The following DENND4C variants were observed in gnomAD, a reference collection of about 807,000 sequenced individuals.
The protein encoded by DENND4C is DENN domain-containing protein 4C.
DENND4C carries 108 observed loss-of-function variants against 203.0 expected under a neutral mutation model. That is an observed-to-expected ratio of 0.53 (90% CI 0.46 to 0.62). DENND4C has a LOEUF of 0.62. Ranked by LOEUF, DENND4C falls within the 20% of genes least tolerant of loss-of-function variation. The pLI, the probability that DENND4C is intolerant of heterozygous loss-of-function variation, is 0.00. For missense variants in DENND4C, 2,481 were observed against 2,301.2 expected (o/e 1.08, Z -1.60); for synonymous variants, 871 against 792.4 (o/e 1.10, Z -1.67).
chr9:19,367,462 G>T (rs1013945518), intron 30 of DENND4C, among the ~76,000 whole-genome samples: 2 of 152,262 alleles, frequency 1.3e-5, no homozygotes, highest in Non-Finnish European at 2.9e-5. Flanking sequence ...AGGGCTGAGC[G>T]CAGTGGCGCA....
intron 23 of DENND4C, among the ~76,000 whole-genome samples, chr9:19,348,232 A>AATT (rs1823334022): frequency 6.6e-6 from 1 of 152,216 alleles, no homozygotes; most frequent in Non-Finnish European, 1.5e-5. Flanking sequence ...CAGAGAGGCT[A>AATT]ATTAGCTTCT....
intron 1 of DENND4C, among the ~76,000 whole-genome samples, chr9:19,235,599 G>A (rs996289186): frequency 1.4e-5 from 2 of 145,878 alleles, no homozygotes; most frequent in African/African-American, 4.9e-5. Flanking sequence ...TTGGTTTACA[G>A]AAGAGTCATC....
At chr9:19,256,867 G>A (rs759251414) in intron 1 of DENND4C, among the ~76,000 whole-genome samples, 21 of 151,748 alleles carry the variant, frequency 1.4e-4, no homozygotes, top group Non-Finnish European at 2.8e-4. Flanking sequence ...TCTGGAGATC[G>A]AGACCATCCT....
Position 19,352,204 on chromosome 9 carries a change from C to A in DENND4C, c.4605+22C>A, listed in dbSNP as rs373578380. Reference sequence around the variant, plus strand: ...GGAGGTAAAAGTTCTATATTCAGTTCATGATAAAGTAGCTGTAAGCATATT... The same window carrying A: ...GGAGGTAAAAGTTCTATATTCAGTTAATGATAAAGTAGCTGTAAGCATATT... On this transcript the variant is annotated intron_variant, in intron 25 of 32. Coordinates refer to ENST00000434457, the MANE Select transcript of DENND4C (RefSeq NM_001330640.2). 50 of 1,586,906 alleles carry A rather than the reference C, an allele frequency of 3.2e-5. No homozygotes were observed. In the African/African-American group the frequency reaches 5.4e-4, roughly 17 times the overall value.
chr9:19,290,671 T>TA (rs1481675879), intron 4 of DENND4C, 33 bp from the exon 5 acceptor site: 1 of 1,332,592 alleles, frequency 7.5e-7, no homozygotes, highest in Non-Finnish European at 9.7e-7. Flanking sequence ...AGTAACTATT[T>TA]AAAAAATTTA....
intron 15 of DENND4C, among the ~76,000 whole-genome samples, chr9:19,326,707 C>T (rs556831467): frequency 1.3e-5 from 2 of 152,148 alleles, no homozygotes; most frequent in Admixed American, 6.5e-5. Flanking sequence ...ATCATTCTAG[C>T]ACCAATACTT....
intron 2 of DENND4C, among the ~76,000 whole-genome samples, chr9:19,282,358 C>T (rs888635047): frequency 2.0e-5 from 3 of 150,826 alleles, no homozygotes; most frequent in East Asian, 2.0e-4. Context: ...TGGGCTCAGG[C>T]GATAATCCTT....
chr9:19,325,472 C>G (rs1049759929), intron 13 of DENND4C, among the ~76,000 whole-genome samples: 1 of 151,766 alleles, frequency 6.6e-6, no homozygotes, highest in Non-Finnish European at 1.5e-5. Flanking sequence ...TTTTTATGGC[C>G]CCCTCATGAT....
At chr9:19,261,545 C>G (rs1829356791) in intron 1 of DENND4C, among the ~76,000 whole-genome samples, 1 of 150,864 alleles carries the variant, frequency 6.6e-6, no homozygotes, top group Admixed American at 6.6e-5. Context: ...CACTATTGTA[C>G]AGGCTGGAGT....
intron 10 of DENND4C, among the ~76,000 whole-genome samples, chr9:19,312,333 C>G (rs1008629582): frequency 2.0e-5 from 3 of 151,998 alleles, no homozygotes; most frequent in African/African-American, 7.2e-5. Context: ...AAATTGCTGG[C>G]CTCAAGTGAT....
chr9:19,316,944 A>C, intron 12 of DENND4C, 105 bp downstream of exon 12: 1 of 1,043,726 alleles, frequency 9.6e-7, no homozygotes, highest in Non-Finnish European at 1.3e-6. Flanking sequence ...ACAAATTCAC[A>C]TTCAAATATA....
At chr9:19,324,554 T>TA in intron 13 of DENND4C, 47 bp downstream of exon 13, 1 of 1,560,194 alleles carries the variant, frequency 6.4e-7, no homozygotes, top group Non-Finnish European at 8.7e-7. Context: ...AAGTTTGCCT[T>TA]ACCTGTGTAA....
At chr9:19,286,260 G>T (rs1050987604) in intron 2 of DENND4C, among the ~76,000 whole-genome samples, 2 of 151,868 alleles carry the variant, frequency 1.3e-5, no homozygotes, top group Non-Finnish European at 2.9e-5. Flanking sequence ...TCTATTTGAG[G>T]GTATTGCCAT....
chr9:19,249,975 T>C (rs1481394576), intron 1 of DENND4C, among the ~76,000 whole-genome samples: 1 of 152,192 alleles, frequency 6.6e-6, no homozygotes, highest in Non-Finnish European at 1.5e-5. Flanking sequence ...GATTTTTTTC[T>C]CAACTCTTTA....
intron 2 of DENND4C, among the ~76,000 whole-genome samples, chr9:19,285,594 C>A (rs1835042682): frequency 2.4e-5 from 2 of 81,872 alleles, no homozygotes; most frequent in African/African-American, 3.7e-5. Flanking sequence ...TTTTTTTTCA[C>A]TTAACATGTT....
intron 2 of DENND4C, among the ~76,000 whole-genome samples, chr9:19,280,257 C>G (rs1443406053): frequency 6.6e-6 from 1 of 152,056 alleles, no homozygotes; most frequent in Non-Finnish European, 1.5e-5. Context: ...AAGCAATTCT[C>G]TGCCTCAGCC....
chr9:19,320,670 A>T lies in DENND4C; in HGVS notation c.1808-3692A>T, dbSNP rs187008407. On this transcript the variant is annotated intron_variant, in intron 12 of 32. Transcript: ENST00000434457. ...TTCTCTTGGCAAGAAGTGCCAAAAT[A>T]CGTGGTGCTCACTTCTTCCTATTGC... 4.6e-5 allele frequency among the ~76,000 whole-genome samples: 7 copies of T among 152,346 alleles called. No homozygotes were observed. In the East Asian group the frequency reaches 9.6e-4, roughly 21 times the overall value.
rs565799163 is a variant in DENND4C at position 19,238,190 on chromosome 9, C to G, written c.-18+7357C>G. Among the ~76,000 whole-genome samples the G allele has an allele frequency of 1.8e-4, 27 of 151,434 alleles. 1 individual carries two copies. The highest frequency in any genetic ancestry group is 6.5e-4 in the African/African-American group (27 of 41,266). On this transcript the variant is annotated intron_variant, in intron 1 of 32. Transcript: ENST00000434457. ...CTGTGCCTCCTGGATTCAAGCGATTCTCCTGCCTCAGCCTGCCGAGTAGCT... is the reference window on the plus strand; with the variant it reads ...CTGTGCCTCCTGGATTCAAGCGATTGTCCTGCCTCAGCCTGCCGAGTAGCT...
chr9:19,272,856 C>G (rs1365914485), intron 1 of DENND4C, among the ~76,000 whole-genome samples: 1 of 151,942 alleles, frequency 6.6e-6, no homozygotes, highest in African/African-American at 2.4e-5. Flanking sequence ...CAGCCTCTGC[C>G]TCCCGGGTTC....
Sources: allele counts gnomAD v4.1 joint callset (sites outside exome capture counted in the v4.1 genomes callset), GRCh38; gene constraint gnomAD v4.1.1; transcripts MANE v1.5; gene names NCBI Gene and HGNC (gene_info 2026-07-23, HGNC 2026-07-21).